Variants in ILRUN observed in about 807,000 individuals in gnomAD.
ILRUN encodes inflammation and lipid regulator with UBA-like and NBR1-like domains.
In ILRUN, 3 loss-of-function variants were observed where a neutral mutation model predicts 33.8. That is an observed-to-expected ratio of 0.09 (90% CI 0.04 to 0.23). The LOEUF is 0.23. Ranked by LOEUF, ILRUN falls within the 10% of genes least tolerant of loss-of-function variation. The probability of loss-of-function intolerance (pLI) is 1.00; values close to 1 mark genes in which losing one functional copy is unlikely to be tolerated. For missense variants in ILRUN, 210 were observed against 375.1 expected (o/e 0.56, Z 3.64); for synonymous variants, 124 against 138.9 (o/e 0.89, Z 0.75).
rs780343312 is a variant in ILRUN, at chr6:34,673,902, CAT to C, written c.159-19125_159-19124del. ...CCTGTCTCAAAAACAGTAACAACCA[CAT>C]ACACACACACACACACACACACACA... On this transcript the variant is annotated intron_variant, in intron 1 of 4. Transcript: ENST00000374023. 1.0e-3 allele frequency among the ~76,000 whole-genome samples: 141 copies of C among 139,238 alleles called. 3 individuals are homozygous for C. In the South Asian group the frequency reaches 0.024, roughly 24 times the overall value. The allele number at this position is 139,238 out of a possible 152,430, so 91.3% of individuals were successfully genotyped here. A position where few individuals can be genotyped will look rare whatever the true frequency, so the allele number is the denominator to read the frequency against.
chr6:34,693,767 C>T (rs190494580), intron 1 of ILRUN, among the ~76,000 whole-genome samples: 4 of 151,532 alleles, frequency 2.6e-5, no homozygotes, highest in Admixed American at 6.6e-5. Context: ...CCTGGGTTCA[C>T]GCCATTCTCC....
intron 3 of ILRUN, among the ~76,000 whole-genome samples, chr6:34,629,017 G>T (rs552196931): frequency 6.6e-6 from 1 of 152,296 alleles, no homozygotes; most frequent in South Asian, 2.1e-4. Context: ...AGGCTGAGGT[G>T]AGGATCATTT....
intron 3 of ILRUN, among the ~76,000 whole-genome samples, chr6:34,634,895 G>C (rs889429003): frequency 1.3e-5 from 2 of 152,054 alleles, no homozygotes; most frequent in Non-Finnish European, 2.9e-5. Flanking sequence ...ATGGTACAAC[G>C]TATCAGACAG....
chr6:34,683,499 CAT>C (rs769656862), intron 1 of ILRUN, among the ~76,000 whole-genome samples: 5,958 of 84,406 alleles, frequency 0.071, 248 homozygotes, highest in Non-Finnish European at 0.089. Context: ...TATATATATA[CAT>C]ATATATATAT....
At chr6:34,656,372 CCAA>C (rs1285084945) in intron 1 of ILRUN, among the ~76,000 whole-genome samples, 31 of 152,226 alleles carry the variant, frequency 2.0e-4, no homozygotes, top group African/African-American at 7.2e-4. Context: ...GCCAGAGTTC[CCAA>C]CTGAGCAGAA....
At chr6:34,665,098 GT>G (rs1705625678) in intron 1 of ILRUN, among the ~76,000 whole-genome samples, 1 of 151,498 alleles carries the variant, frequency 6.6e-6, no homozygotes, top group South Asian at 2.1e-4. Context: ...AACCTCCCAA[GT>G]AGGAGTACAG....
intron 3 of ILRUN, among the ~76,000 whole-genome samples, chr6:34,613,159 A>G (rs988086559): frequency 2.6e-5 from 4 of 152,138 alleles, no homozygotes; most frequent in African/African-American, 9.7e-5. Flanking sequence ...GGTTGCAGTG[A>G]GCCGAGATCG....
chr6:34,601,106 T>A (rs897694463), intron 4 of ILRUN, among the ~76,000 whole-genome samples: 2 of 152,144 alleles, frequency 1.3e-5, no homozygotes, highest in Admixed American at 1.3e-4. Flanking sequence ...GAATAAAAAC[T>A]GGAGGCTGGG....
chr6:34,655,840 GGT>G (rs1762760219), intron 1 of ILRUN, among the ~76,000 whole-genome samples: 1 of 151,628 alleles, frequency 6.6e-6, no homozygotes, highest in South Asian at 2.1e-4. Context: ...GCTCATCAGT[GGT>G]GTTTCTCTAA....
intron 3 of ILRUN, among the ~76,000 whole-genome samples, chr6:34,636,371 T>C (rs1287295746): frequency 1.3e-5 from 2 of 152,008 alleles, no homozygotes; most frequent in African/African-American, 4.8e-5. Context: ...ATAAGCTCTT[T>C]AACAATAAAA....
At chr6:34,612,456 A>G (rs1031148675) in intron 3 of ILRUN, among the ~76,000 whole-genome samples, 1 of 152,074 alleles carries the variant, frequency 6.6e-6, no homozygotes, top group Non-Finnish European at 1.5e-5. Flanking sequence ...GAGACAGAAC[A>G]TTAGAGCTAG....
At chr6:34,665,650 A>T (rs1444095748) in intron 1 of ILRUN, among the ~76,000 whole-genome samples, 1 of 152,048 alleles carries the variant, frequency 6.6e-6, no homozygotes, top group African/African-American at 2.4e-5. Context: ...GCTGGTTTCG[A>T]ACTCCTGGCC....
intron 1 of ILRUN, among the ~76,000 whole-genome samples, chr6:34,656,061 G>A (rs529818635): frequency 3.9e-5 from 6 of 151,940 alleles, no homozygotes; most frequent in African/African-American, 1.2e-4. Context: ...AGTGAAACCC[G>A]TCTCTACTAA....
chr6:34,688,402 CAAAA>C (rs10573054), intron 1 of ILRUN, among the ~76,000 whole-genome samples: 6 of 94,124 alleles, frequency 6.4e-5, no homozygotes, highest in Admixed American at 2.3e-4. Context: ...GACCCTGTCT[CAAAA>C]AAAAAAAAAA....
intron 1 of ILRUN, among the ~76,000 whole-genome samples, chr6:34,681,097 T>C (rs1166360206): frequency 6.6e-6 from 1 of 152,106 alleles, no homozygotes; most frequent in Non-Finnish European, 1.5e-5. Context: ...AATAAAATGC[T>C]GACCAGAAAG....
intron 1 of ILRUN, among the ~76,000 whole-genome samples, chr6:34,656,810 A>G (rs575217555): frequency 6.6e-6 from 1 of 152,262 alleles, no homozygotes; most frequent in Non-Finnish European, 1.5e-5. Flanking sequence ...GTGGCCTGTC[A>G]TATTAGTCAG....
chr6:34,688,657 A>G (rs1763579736), intron 1 of ILRUN, among the ~76,000 whole-genome samples: 1 of 152,150 alleles, frequency 6.6e-6, no homozygotes, highest in Non-Finnish European at 1.5e-5. Context: ...TACAAAAAAT[A>G]CAAAAATTAG....
chr6:34,593,056 G>A (rs1761327873), intron 4 of ILRUN, among the ~76,000 whole-genome samples: 1 of 152,032 alleles, frequency 6.6e-6, no homozygotes, highest in African/African-American at 2.4e-5. Flanking sequence ...ACGCATGGCT[G>A]TAGTCCCAGA....
intron 1 of ILRUN, among the ~76,000 whole-genome samples, chr6:34,673,680 G>A (rs1763163738): frequency 6.6e-6 from 1 of 152,180 alleles, no homozygotes; most frequent in Admixed American, 6.5e-5. Context: ...GCAACACAGT[G>A]CAACACTGAG....
Sources: gnomAD v4.1 joint callset for allele counts (sites outside exome capture counted in the v4.1 genomes callset) on GRCh38, gnomAD v4.1.1 for gene constraint, MANE v1.5 for transcripts, NCBI Gene and HGNC (gene_info 2026-07-23, HGNC 2026-07-21) for gene names.